The following AGAP1 variants were observed in gnomAD, a reference collection of about 807,000 sequenced individuals.
AGAP1 encodes the protein ArfGAP with GTPase domain, ankyrin repeat and PH domain 1.
In AGAP1, 29 loss-of-function variants were observed where a neutral mutation model predicts 105.3. That is an observed-to-expected ratio of 0.28 (90% CI 0.21 to 0.38). AGAP1 has a LOEUF of 0.38. Ranked by LOEUF, AGAP1 falls within the 10% of genes least tolerant of loss-of-function variation. AGAP1 has a pLI of 1.00. For missense variants in AGAP1, 998 were observed against 1,165.1 expected, an observed-to-expected ratio of 0.86 and a Z score of 2.09; for synonymous variants, 509 against 485.9, an observed-to-expected ratio of 1.05 and a Z score of -0.63.
Position 235,799,660 on chromosome 2 carries a change from G to A in AGAP1, c.957+138G>A. On this transcript the variant is annotated intron_variant, in intron 8 of 17. Transcript: ENST00000304032. This position sits in a 1 kb window ranked among gnomAD's most constrained non-coding sequence, Gnocchi z 5.0. ...GTGAATAACATTGATTTCTGTGGAG[G>A]ACTAAGAAAATTAAGAGAAGCAAAG... 1 of 1,036,442 alleles carries A rather than the reference G, an allele frequency of 9.6e-7. No homozygotes were observed. Among genetic ancestry groups the A allele is most frequent in the Non-Finnish European group, 1.3e-6 (1 of 743,032 alleles). The allele number at this position is 1,036,442 out of a possible 1,614,324, so 64.2% of individuals were successfully genotyped here. A position where few individuals can be genotyped will look rare whatever the true frequency, so the allele number is the denominator to read the frequency against.
intron 6 of AGAP1, among the ~76,000 whole-genome samples, chr2:235,770,672 C>A (rs746543448): frequency 5.9e-5 from 9 of 151,722 alleles, no homozygotes; most frequent in Non-Finnish European, 1.0e-4. Context: ...TCATTTCAGA[C>A]TTTTATTTAA....
At position 235,611,926 on chromosome 2, in the gene AGAP1, C is replaced by T. The variant is rs552703800; in HGVS notation, c.164-97253C>T. Among the ~76,000 whole-genome samples the T allele has an allele frequency of 4.6e-5, 7 of 152,274 alleles. No homozygotes were observed. The highest frequency in any genetic ancestry group is 4.1e-4 in the South Asian group (2 of 4,822). On this transcript the variant is annotated intron_variant, in intron 1 of 17. Coordinates refer to ENST00000304032, the MANE Select transcript of AGAP1 (RefSeq NM_001037131.3). The surrounding 1 kb of genome is among the most constrained non-coding windows in gnomAD (Gnocchi z 5.0). Reference sequence around the variant, plus strand: ...TTGCTGTTTGGCATGCTTGTGGGCACGGTTTAAGGGTTGAGACCACATCCT... The same window carrying T: ...TTGCTGTTTGGCATGCTTGTGGGCATGGTTTAAGGGTTGAGACCACATCCT...
At chr2:236,077,156 T>C (rs908532815) in intron 16 of AGAP1, among the ~76,000 whole-genome samples, 1 of 147,124 alleles carries the variant, frequency 6.8e-6, no homozygotes, top group African/African-American at 2.5e-5. Flanking sequence ...TATATATATA[T>C]ATATTCATAT....
At chr2:235,914,519 A>G (rs1025928503) in intron 11 of AGAP1, among the ~76,000 whole-genome samples, 1 of 152,174 alleles carries the variant, frequency 6.6e-6, no homozygotes, top group African/African-American at 2.4e-5. Flanking sequence ...GGGGTGGGGT[A>G]TTCCTAGCAT....
chr2:235,884,664 G>T (rs1468148527), intron 10 of AGAP1, among the ~76,000 whole-genome samples: 1 of 151,984 alleles, frequency 6.6e-6, no homozygotes, highest in Non-Finnish European at 1.5e-5. Flanking sequence ...ATGTTGGCCA[G>T]GCTGGTCTTG....
rs1409266181 is a variant in AGAP1 at position 236,124,471 on chromosome 2, A to AC, written c.*350dup. 1 of 312,712 alleles carries AC rather than the reference A, an allele frequency of 3.2e-6. No individual in the cohort carries two copies. The highest frequency in any genetic ancestry group is 6.0e-6 in the Non-Finnish European group (1 of 165,816). The allele number at this position is 312,712 out of a possible 1,614,324, so 19.4% of individuals were successfully genotyped here. ...ACGCGAGGGGGAGGGGAGGCGAGGA[A>AC]CAAGGAGAAGGGGCAACTTTCCTTA... On this transcript the variant is annotated 3_prime_UTR_variant, in exon 18 of 18. Transcript: ENST00000304032. This position sits in a 1 kb window ranked among gnomAD's most constrained non-coding sequence, Gnocchi z 5.1.
chr2:236,074,233 A>G (rs768704439), intron 16 of AGAP1, among the ~76,000 whole-genome samples: 15 of 152,132 alleles, frequency 9.9e-5, no homozygotes, highest in Non-Finnish European at 1.5e-4. Flanking sequence ...TTCTCCTAAC[A>G]TCAGTACCCT....
intron 16 of AGAP1, among the ~76,000 whole-genome samples, chr2:236,110,867 G>A (rs1015647100): frequency 6.6e-6 from 1 of 152,174 alleles, no homozygotes; most frequent in Admixed American, 6.5e-5. Flanking sequence ...GAAGTGTCTT[G>A]CTCACGGTTC....
intron 3 of AGAP1, among the ~76,000 whole-genome samples, chr2:235,730,375 C>G (rs1253796975): frequency 6.6e-6 from 1 of 151,082 alleles, no homozygotes; most frequent in African/African-American, 2.4e-5. Flanking sequence ...GCATCCGTCT[C>G]AGGTCATGGT....
chr2:235,795,627 A>C (rs1957209892), intron 6 of AGAP1, among the ~76,000 whole-genome samples: 9 of 152,188 alleles, frequency 5.9e-5, no homozygotes, highest in Admixed American at 3.9e-4. Flanking sequence ...TGGAAGCAGG[A>C]AGGACATAAC....
intron 1 of AGAP1, among the ~76,000 whole-genome samples, chr2:235,687,274 A>G (rs1051709547): frequency 3.9e-5 from 6 of 152,198 alleles, no homozygotes; most frequent in Non-Finnish European, 5.9e-5. Flanking sequence ...GACATTTCCC[A>G]TTTCTTTGAA....
intron 1 of AGAP1, among the ~76,000 whole-genome samples, chr2:235,598,959 G>A (rs1574935899): frequency 6.6e-6 from 1 of 152,298 alleles, no homozygotes; most frequent in East Asian, 1.9e-4. Context: ...TTAAATATTT[G>A]GCTGGGCAGA....
At chr2:235,828,062 A>G (rs1197472274) in intron 9 of AGAP1, among the ~76,000 whole-genome samples, 1 of 152,232 alleles carries the variant, frequency 6.6e-6, no homozygotes, top group African/African-American at 2.4e-5. Context: ...CCAGAGAAAG[A>G]TGAGAGCAGA....
intron 1 of AGAP1, among the ~76,000 whole-genome samples, chr2:235,646,910 T>C (rs1360660038): frequency 2.4e-4 from 36 of 151,442 alleles, no homozygotes; most frequent in Admixed American, 2.4e-3. Context: ...CCGAGGCGGG[T>C]GGATCACGAG....
rs2053989217 is a variant in AGAP1 at position 235,957,233 on chromosome 2, G to C, written c.1484-11229G>C. ...AATCAAGGTCCTCATCTCAATGGAA[G>C]ATCAAATTTCCTAAATTCCTACTGA... On this transcript the variant is annotated intron_variant, in intron 12 of 17. Transcript: ENST00000304032. This position sits in a 1 kb window ranked among gnomAD's most constrained non-coding sequence, Gnocchi z 4.6. Among the ~76,000 whole-genome samples, 1 of 152,200 alleles carries C rather than the reference G, an allele frequency of 6.6e-6. No homozygotes were observed. The highest frequency in any genetic ancestry group is 6.5e-5 in the Admixed American group (1 of 15,284).
At position 236,078,151 on chromosome 2, in the gene AGAP1, C is replaced by T. The variant is rs187447238; in HGVS notation, c.2114+28870C>T. On this transcript the variant is annotated intron_variant, in intron 16 of 17. Coordinates refer to ENST00000304032, the MANE Select transcript of AGAP1 (RefSeq NM_001037131.3). The surrounding 1 kb of genome is among the most constrained non-coding windows in gnomAD (Gnocchi z 5.3). ...TCTGAAGTGTGTAGGGCAGGCCAGCCGGGGGTGTGTGTGTGTGTGTGTGTA... is the reference window on the plus strand; with the variant it reads ...TCTGAAGTGTGTAGGGCAGGCCAGCTGGGGGTGTGTGTGTGTGTGTGTGTA... Among the ~76,000 whole-genome samples, 17 of 142,370 alleles carry T rather than the reference C, an allele frequency of 1.2e-4. No individual in the cohort carries two copies. The highest frequency in any genetic ancestry group is 1.5e-4 in the Non-Finnish European group (10 of 65,970). 93.4% of individuals were successfully genotyped at this position (142,370 alleles called of 152,430 possible). A position where few individuals can be genotyped will look rare whatever the true frequency, so the allele number is the denominator to read the frequency against.
chr2:236,124,084 C>T lies in AGAP1; in HGVS notation c.2536C>T (p.Arg846Trp), dbSNP rs1405228849. The change falls in exon 18 of 18, where the codon CGG becomes TGG. Residue 846 changes from arginine (R) to tryptophan (W), a missense_variant. Physicochemically the swap from Arg to Trp is moderately radical, Grantham distance 101. This residue lies in a region of AGAP1 where 235 missense variants were observed against 270.7 expected (regional missense o/e 0.87). Coordinates refer to ENST00000304032, the MANE Select transcript of AGAP1 (RefSeq NM_001037131.3). This position sits in a 1 kb window ranked among gnomAD's most constrained non-coding sequence, Gnocchi z 5.1. Reference sequence around the variant, plus strand: ...TAACCTGTCCAGGAGAAACAATAACCGGAACAACAGCAGTGGGAGGGTGCC... The same window carrying T: ...TAACCTGTCCAGGAGAAACAATAACTGGAACAACAGCAGTGGGAGGGTGCC... Reference protein sequence around the residue: ...TPNLSRRNNNRNNSSGRVPTI... With the variant: ...TPNLSRRNNNWNNSSGRVPTI... The T allele has an allele frequency of 1.7e-5, 27 of 1,613,994 alleles. No homozygotes were observed. Among genetic ancestry groups the T allele is most frequent in the South Asian group, 1.1e-4 (10 of 91,086 alleles).
intron 1 of AGAP1, among the ~76,000 whole-genome samples, chr2:235,686,635 A>ATC (rs1559350645): frequency 2.1e-5 from 1 of 48,394 alleles, no homozygotes; most frequent in Non-Finnish European, 3.7e-5. Context: ...ATATATATAT[A>ATC]TATATATATA....
In AGAP1 at chr2:235,882,814, CTT is replaced by C. The variant is rs2050097627; in HGVS notation, c.1051-529_1051-528del. Among the ~76,000 whole-genome samples, 1 of 151,506 alleles carries C rather than the reference CTT, an allele frequency of 6.6e-6. No homozygotes were observed. The highest frequency in any genetic ancestry group is 2.4e-5 in the African/African-American group (1 of 41,218). ...TTTTTAGTTTGTTCTTTCTTTTTCT[CTT>C]TGTCTCTCCTCTCTCTTTCTTTCAC... On this transcript the variant is annotated intron_variant, in intron 9 of 17. Transcript: ENST00000304032. The surrounding 1 kb of genome is among the most constrained non-coding windows in gnomAD (Gnocchi z 4.6).
Sources: allele counts gnomAD v4.1 joint callset (sites outside exome capture counted in the v4.1 genomes callset), GRCh38; gene constraint gnomAD v4.1.1; regional missense constraint gnomAD v4.1.1; non-coding constraint Gnocchi (gnomAD v3.1); transcripts MANE v1.5; gene names NCBI Gene and HGNC (gene_info 2026-07-23, HGNC 2026-07-21).